The following NUP210 variants were observed in gnomAD, a reference collection of about 807,000 sequenced individuals.
NUP210 encodes the protein nucleoporin 210.
In NUP210, 151 loss-of-function variants were observed where a neutral mutation model predicts 196.0. That is an observed-to-expected ratio of 0.77 (90% CI 0.67 to 0.88). The LOEUF (loss-of-function observed/expected upper bound fraction) is 0.88, where lower values mean the gene tolerates loss of function less well. NUP210 is among the 40% of genes least tolerant of loss of function. The probability of loss-of-function intolerance (pLI) is 0.00; values close to 1 mark genes in which losing one functional copy is unlikely to be tolerated. For missense variants in NUP210, 2,314 were observed against 2,493.7 expected (o/e 0.93, Z 1.53); for synonymous variants, 1,070 against 1,052.7 (o/e 1.02, Z -0.32).
Position 13,388,284 on chromosome 3 carries a change from C to A in NUP210, c.684+19G>T, listed in dbSNP as rs761643866. 9 of 1,579,434 alleles carry A rather than the reference C, an allele frequency of 5.7e-6. 1 individual carries two copies. Among genetic ancestry groups the A allele is most frequent in the Middle Eastern group, 1.8e-4 (1 of 5,432 alleles). On this transcript the variant is annotated intron_variant, in intron 5 of 39. Transcript: ENST00000254508. ...TCCACCCCAGGAAGCCCACTGACAC[C>A]CCAGCGCCCCAGGCCCACCTTGTAG... is the stretch of plus-strand genomic sequence containing the variant.
rs750106167 is a variant in NUP210, at chr3:13,337,826, G to A, written c.3552+11C>T. 2 of 1,606,084 alleles carry A rather than the reference G, an allele frequency of 1.2e-6. No homozygotes were observed. Among genetic ancestry groups the A allele is most frequent in the East Asian group, 2.2e-5 (1 of 44,692 alleles). On this transcript the variant is annotated intron_variant, in intron 26 of 39. Transcript: ENST00000254508. The stretch of plus-strand genomic sequence containing the variant: ...GGGAACCAGGATTCAGAGCCCAGGA[G>A]GTCCCCTCACCTGGGTGCCCGTCCT...
intron 25 of NUP210, 65 bp downstream of exon 25, chr3:13,339,789 C>G: frequency 1.4e-6 from 2 of 1,456,408 alleles, no homozygotes; most frequent in Non-Finnish European, 1.9e-6. Context: ...AGGTAGAACT[C>G]AAACACAGTA....
chr3:13,336,693 C>T, intron 27 of NUP210, 94 bp downstream of exon 27: 3 of 1,412,134 alleles, frequency 2.1e-6, no homozygotes, highest in South Asian at 1.3e-5. Flanking sequence ...TGGGGACTTC[C>T]TGTGGGACAA....
rs1327831052 is a variant in NUP210, at chr3:13,350,949, C to T, written c.2835+930G>A. Among the ~76,000 whole-genome samples, 1 of 152,000 alleles carries T rather than the reference C, an allele frequency of 6.6e-6. No homozygotes were observed. The highest frequency in any genetic ancestry group is 2.4e-5 in the African/African-American group (1 of 41,378). Reference sequence around the variant, plus strand: ...TCCTGACCTTGTGATCAGCCTGCCTCGGCCTCCCAAAGTGCTGGGATTACA... The same window carrying T: ...TCCTGACCTTGTGATCAGCCTGCCTTGGCCTCCCAAAGTGCTGGGATTACA... On this transcript the variant is annotated intron_variant, in intron 20 of 39. Coordinates refer to ENST00000254508, the MANE Select transcript of NUP210 (RefSeq NM_024923.4). This position sits in a 1 kb window ranked among gnomAD's most constrained non-coding sequence, Gnocchi z 4.1.
intron 13 of NUP210, among the ~76,000 whole-genome samples, chr3:13,369,239 T>C (rs555799963): frequency 2.0e-5 from 3 of 152,344 alleles, no homozygotes; most frequent in East Asian, 3.9e-4. Context: ...TGGACAAATA[T>C]CTATTCAAGT....
chr3:13,355,490 G>C lies in NUP210; in HGVS notation c.2329-1383C>G, dbSNP rs902074608. Among the ~76,000 whole-genome samples, 4 of 152,340 alleles carry C rather than the reference G, an allele frequency of 2.6e-5. No homozygotes were observed. The South Asian group carries it at 6.2e-4, about 24-fold the overall frequency. On this transcript the variant is annotated intron_variant, in intron 16 of 39. Transcript: ENST00000254508. The stretch of plus-strand genomic sequence containing the variant: ...CAACTAGAGAGGCTCATGCAGCATG[G>C]GCAAGAGGTGAGCTTGTGCCATGTG...
Position 13,348,307 on chromosome 3 carries a change from G to A in NUP210, c.2835+3572C>T, listed in dbSNP as rs533659717. On this transcript the variant is annotated intron_variant, in intron 20 of 39. Coordinates refer to ENST00000254508, the MANE Select transcript of NUP210 (RefSeq NM_024923.4). The surrounding 1 kb of genome is among the most constrained non-coding windows in gnomAD (Gnocchi z 4.0). ...AGACAGGGAGCTCACTACCTACAGC[G>A]GCAGCCTAGTCCATCACCGACCTCT... The A allele has an allele frequency of 1.3e-5, 11 of 870,328 alleles. No individual in the cohort carries two copies. Among genetic ancestry groups the A allele is most frequent in the Admixed American group, 1.2e-4 (2 of 16,132 alleles). 53.9% of individuals were successfully genotyped at this position (870,328 alleles called of 1,614,324 possible). A position where few individuals can be genotyped will look rare whatever the true frequency, so the allele number is the denominator to read the frequency against.
chr3:13,327,412 C>A lies in NUP210; in HGVS notation c.4312G>T (p.Gly1438Cys), dbSNP rs973312437. The A allele has an allele frequency of 2.7e-5, 43 of 1,612,388 alleles. No individual in the cohort carries two copies. Among genetic ancestry groups the A allele is most frequent in the Non-Finnish European group, 3.6e-5 (43 of 1,179,498 alleles). Reference protein sequence around the residue: ...NRDDFVQIGKGPTNNTCVVRT... With the variant: ...NRDDFVQIGKCPTNNTCVVRT... ...ACAACGCAGGTGTTGTTGGTGGGGC[C>A]CTTCCCGATCTGCACAAAGTCGTCT... Residue 1438 changes from glycine (G) to cysteine (C), a missense_variant, in exon 32 of 40, where the codon GGC (glycine) becomes TGC (cysteine). Gly to Cys is a radical substitution (Grantham distance 159). Coordinates refer to ENST00000254508, the MANE Select transcript of NUP210 (RefSeq NM_024923.4).
chr3:13,405,198 T>C (rs1339224146), intron 1 of NUP210, among the ~76,000 whole-genome samples: 2 of 152,202 alleles, frequency 1.3e-5, no homozygotes, highest in African/African-American at 4.8e-5. Context: ...GTAAAGTAGA[T>C]GCCACCTAAT....
At chr3:13,324,990 G>A (rs775397878) in intron 33 of NUP210, among the ~76,000 whole-genome samples, 27 of 152,162 alleles carry the variant, frequency 1.8e-4, no homozygotes, top group Admixed American at 7.2e-4. Context: ...TCATAGCCTC[G>A]CAGTGGCCAA....
chr3:13,328,064 G>A (rs1696847189), intron 31 of NUP210, among the ~76,000 whole-genome samples: 1 of 152,230 alleles, frequency 6.6e-6, no homozygotes, highest in South Asian at 2.1e-4. Flanking sequence ...GACCCTGAGT[G>A]CTGACTAGGT....
intron 20 of NUP210, among the ~76,000 whole-genome samples, chr3:13,344,399 C>T (rs1190494915): frequency 2.0e-5 from 3 of 152,172 alleles, no homozygotes; most frequent in Non-Finnish European, 4.4e-5. Context: ...AGCAGGCTGC[C>T]CCACTCCTCT....
chr3:13,380,030 C>T (rs143912745), intron 6 of NUP210, among the ~76,000 whole-genome samples: 106 of 152,242 alleles, frequency 7.0e-4, no homozygotes, highest in Admixed American at 1.5e-3. Context: ...CTGAACATTG[C>T]AAAGTGAACT....
chr3:13,343,342 G>GGGGGGGGGGGGGGGGGGGGGGGGGGGT, intron 20 of NUP210, 39 bp from the exon 21 acceptor site: 2 of 655,992 alleles, frequency 3.0e-6, no homozygotes, highest in Non-Finnish European at 5.0e-6. Context: ...TGGGTGGTGG[G>GGGGGGGGGGGGGGGGGGGGGGGGGGGT]TTACGCAGCT....
At chr3:13,345,224 A>G (rs755044327) in intron 20 of NUP210, 1 of 985,454 alleles carries the variant, frequency 1.0e-6, no homozygotes, top group Non-Finnish European at 1.2e-6. Flanking sequence ...AGACTTGGAA[A>G]TTCTGAAAAT....
At position 13,328,884 on chromosome 3, in the gene NUP210, C is replaced by G. The variant is rs753129678; in HGVS notation, c.4173G>C (p.Glu1391Asp). ...MSPVLHTQNK[E>D]ALVAVPLGMT... The stretch of plus-strand genomic sequence containing the variant: ...TTCCCAAAGGCACGGCCACCAGGGC[C>G]TCCTTGTTCTGGGTGTGCAGGACAG... Residue 1391 changes from glutamate (E) to aspartate (D), a missense_variant, in exon 31 of 40, where the codon GAG (glutamate) becomes GAC (aspartate). Coordinates refer to ENST00000254508, the MANE Select transcript of NUP210 (RefSeq NM_024923.4). 1.9e-6 allele frequency: 3 copies of G among 1,614,036 alleles called. No homozygotes were observed. The Admixed American group carries it at 5.0e-5, about 27-fold the overall frequency.
At chr3:13,319,631 C>T in intron 37 of NUP210, 132 bp downstream of exon 37, 1 of 781,654 alleles carries the variant, frequency 1.3e-6, no homozygotes, top group Non-Finnish European at 2.1e-6. Flanking sequence ...GAGCAGCGAT[C>T]ACTTTGAGGG....
rs751653231 is a variant in NUP210 at position 13,354,034 on chromosome 3, T to C, written c.2402A>G (p.Asn801Ser). ...CCACTGGATGCTCAGAGAGCTGAAGTTGTCGAACCGGCGGCCCTCCTGGTC... is the reference window on the plus strand; with the variant it reads ...CCACTGGATGCTCAGAGAGCTGAAGCTGTCGAACCGGCGGCCCTCCTGGTC... ...AYDQEGRRFD[N>S]FSSLSIQWES... Residue 801 changes from asparagine to serine, a missense_variant, in exon 17 of 40, where the codon AAC becomes AGC. Physicochemically the swap from Asn to Ser is conservative, Grantham distance 46. Transcript: ENST00000254508. 3.6e-5 allele frequency: 58 copies of C among 1,608,264 alleles called. No individual in the cohort carries two copies. The highest frequency in any genetic ancestry group is 1.6e-4 in the East Asian group (7 of 44,692).
intron 20 of NUP210, chr3:13,344,802 G>T: frequency 2.7e-6 from 1 of 364,582 alleles, no homozygotes; most frequent in Non-Finnish European, 3.8e-6. Flanking sequence ...GCTTGCTGCT[G>T]CCTGCCTCCG....
Sources: gnomAD v4.1 joint callset for allele counts (sites outside exome capture counted in the v4.1 genomes callset) on GRCh38, gnomAD v4.1.1 for gene constraint, Gnocchi (gnomAD v3.1) non-coding constraint, MANE v1.5 for transcripts, NCBI Gene and HGNC (gene_info 2026-07-23, HGNC 2026-07-21) for gene names.